Variants in WWP2 observed in about 807,000 individuals in gnomAD.
WWP2 encodes WW domain containing E3 ubiquitin protein ligase 2, also known as NEDD4-like E3 ubiquitin-protein ligase WWP2.
A neutral mutation model predicts 121.0 loss-of-function variants in WWP2; 57 were observed. That is an observed-to-expected ratio of 0.47 (90% CI 0.38 to 0.59). WWP2 has a LOEUF of 0.59. Ranked by LOEUF, WWP2 falls within the 20% of genes least tolerant of loss-of-function variation. WWP2 has a pLI of 0.00. For missense variants in WWP2, 962 were observed against 1,158.9 expected, an observed-to-expected ratio of 0.83 and a Z score of 2.47; for synonymous variants, 449 against 441.3, an observed-to-expected ratio of 1.02 and a Z score of -0.22.
At chr16:69,884,259 A>C (rs2057884262) in intron 7 of WWP2, among the ~76,000 whole-genome samples, 1 of 152,202 alleles carries the variant, frequency 6.6e-6, no homozygotes, top group Non-Finnish European at 1.5e-5. Context: ...TTTGAAGCTA[A>C]CTTGAAGAGC....
rs2058691623 is a variant in WWP2 at position 69,930,122 on chromosome 16, G to T, written c.1317-8G>T. The T allele has an allele frequency of 6.2e-7, 1 of 1,613,712 alleles. No homozygotes were observed. The highest frequency in any genetic ancestry group is 1.3e-5 in the African/African-American group (1 of 74,916). The stretch of plus-strand genomic sequence containing the variant: ...CAGCCCTTCACCCTTTTCTTCCCGT[G>T]TTTCCAGGATGATCCAGGAACCAGC... On this transcript the variant is annotated splice_polypyrimidine_tract_variant and splice_region_variant and intron_variant, in intron 12 of 23. Transcript: ENST00000359154.
At chr16:69,816,190 T>G (rs2056486434) in intron 4 of WWP2, among the ~76,000 whole-genome samples, 1 of 151,758 alleles carries the variant, frequency 6.6e-6, no homozygotes, top group Admixed American at 6.6e-5. Flanking sequence ...ATTCTGAGAG[T>G]TTTTCTCTTG....
rs746313358 is a variant in WWP2 at position 69,787,067 on chromosome 16, G to C, written c.57G>C (p.Gln19His). Reference protein sequence around the residue: ...AGVALPFEKSQLTLKVVSAKP... With the variant: ...AGVALPFEKSHLTLKVVSAKP... ...TGGCCCTGCCTTTTGAGAAGTCTCAGCTCACTTTGAAAGGTGAGTGGCACT... is the reference window on the plus strand; with the variant it reads ...TGGCCCTGCCTTTTGAGAAGTCTCACCTCACTTTGAAAGGTGAGTGGCACT... The change falls in exon 2 of 24, where the codon CAG becomes CAC. Residue 19 changes from glutamine to histidine, a missense_variant. Coordinates refer to ENST00000359154, the MANE Select transcript of WWP2 (RefSeq NM_001270454.2). The C allele has an allele frequency of 6.2e-7, 1 of 1,613,408 alleles. No homozygotes were observed. The highest frequency in any genetic ancestry group is 2.2e-5 in the East Asian group (1 of 44,876).
At chr16:69,800,370 C>T (rs2056136881) in intron 4 of WWP2, among the ~76,000 whole-genome samples, 1 of 152,154 alleles carries the variant, frequency 6.6e-6, no homozygotes, top group South Asian at 2.1e-4. Context: ...CTATTTATTG[C>T]AATATTTGGA....
intron 13 of WWP2, 146 bp from the exon 14 acceptor site, chr16:69,931,006 C>T (rs1411240465): frequency 1.4e-6 from 1 of 740,232 alleles, no homozygotes; most frequent in Non-Finnish European, 2.3e-6. Context: ...TTTTATTCTT[C>T]AAGGATCTTA....
intron 2 of WWP2, among the ~76,000 whole-genome samples, chr16:69,788,587 G>A (rs373459825): frequency 3.9e-5 from 6 of 152,116 alleles, no homozygotes; most frequent in Admixed American, 6.6e-5. Flanking sequence ...TTCCTTAGGC[G>A]TTTTCTCAAA....
At chr16:69,886,289 C>G (rs1448349237) in intron 7 of WWP2, among the ~76,000 whole-genome samples, 1 of 152,156 alleles carries the variant, frequency 6.6e-6, no homozygotes, top group Non-Finnish European at 1.5e-5. Context: ...CTAGGTTGCC[C>G]AGGTCTGGAA....
chr16:69,781,348 T>G (rs1391008465), intron 1 of WWP2, among the ~76,000 whole-genome samples: 1 of 151,958 alleles, frequency 6.6e-6, no homozygotes, highest in African/African-American at 2.4e-5. Flanking sequence ...TTTACTCTTT[T>G]TTTGTTTTTG....
intron 7 of WWP2, among the ~76,000 whole-genome samples, chr16:69,885,712 A>T (rs1440476124): frequency 6.6e-6 from 1 of 152,160 alleles, no homozygotes; most frequent in African/African-American, 2.4e-5. Flanking sequence ...GTGCTATATG[A>T]CCTTGAGAGG....
At chr16:69,849,653 G>C (rs2057163917) in intron 6 of WWP2, among the ~76,000 whole-genome samples, 1 of 152,090 alleles carries the variant, frequency 6.6e-6, no homozygotes, top group South Asian at 2.1e-4. Context: ...ACGTTGAAAA[G>C]TAATCATGGC....
At chr16:69,846,049 CAAAAAAAAAA>C (rs57201672) in intron 6 of WWP2, among the ~76,000 whole-genome samples, 1 of 45,604 alleles carries the variant, frequency 2.2e-5, no homozygotes, top group East Asian at 7.6e-4. Flanking sequence ...GACTCCATCT[CAAAAAAAAAA>C]AAAAAAAAAA....
In WWP2 at chr16:69,767,532, C is replaced by T. The variant is rs28523536; in HGVS notation, c.-16+5141C>T. Among the ~76,000 whole-genome samples the T allele has an allele frequency of 2.0e-3, 301 of 152,190 alleles. 3 individuals are homozygous for T. The highest frequency in any genetic ancestry group is 6.8e-3 in the African/African-American group (284 of 41,494). ...CCTTAGGACTATTATGTGTCACAGG[C>T]AGAAAGGGAATTTACCAGGTAAAGA... On this transcript the variant is annotated intron_variant, in intron 1 of 23. Coordinates refer to ENST00000359154, the MANE Select transcript of WWP2 (RefSeq NM_001270454.2).
chr16:69,827,700 G>T (rs1004687518), intron 4 of WWP2, among the ~76,000 whole-genome samples: 6 of 152,216 alleles, frequency 3.9e-5, no homozygotes, highest in Non-Finnish European at 1.5e-5. Flanking sequence ...TGTGGCCGCT[G>T]CGGTTCCCTG....
intron 16 of WWP2, 36 bp downstream of exon 16, chr16:69,931,926 C>T (rs776066032): frequency 1.3e-6 from 2 of 1,583,484 alleles, no homozygotes; most frequent in Admixed American, 3.4e-5. Flanking sequence ...GCCCTGTACC[C>T]CGCTTCCCCA....
chr16:69,767,040 T>TG (rs1392483775), intron 1 of WWP2, among the ~76,000 whole-genome samples: 5 of 151,748 alleles, frequency 3.3e-5, no homozygotes, highest in South Asian at 2.1e-4. Flanking sequence ...GGTTTTGTTT[T>TG]TTTTTTTTTT....
chr16:69,854,723 G>T (rs749740379), intron 6 of WWP2, among the ~76,000 whole-genome samples: 2 of 152,104 alleles, frequency 1.3e-5, no homozygotes, highest in Non-Finnish European at 2.9e-5. Flanking sequence ...GATAATTTTT[G>T]TATTTTTAGT....
intron 10 of WWP2, among the ~76,000 whole-genome samples, chr16:69,923,323 G>GGC (rs1555504310): frequency 3.5e-5 from 1 of 28,922 alleles, no homozygotes; most frequent in Admixed American, 6.5e-4. Context: ...GGGGGGGTGG[G>GGC]GGGGGTGCGT....
intron 8 of WWP2, among the ~76,000 whole-genome samples, chr16:69,891,774 A>G (rs1412144421): frequency 6.6e-6 from 1 of 152,026 alleles, no homozygotes; most frequent in African/African-American, 2.4e-5. Flanking sequence ...AGCTATCTCA[A>G]CCCAACAGAA....
intron 19 of WWP2, 119 bp from the exon 20 acceptor site, chr16:69,936,999 G>A: frequency 7.2e-7 from 1 of 1,380,162 alleles, no homozygotes; most frequent in Non-Finnish European, 9.7e-7. Context: ...GGGTCTGGGT[G>A]TGCGAAGTGG....
Sources: allele counts gnomAD v4.1 joint callset (sites outside exome capture counted in the v4.1 genomes callset), GRCh38; gene constraint gnomAD v4.1.1; transcripts MANE v1.5; gene names NCBI Gene and HGNC (gene_info 2026-07-23, HGNC 2026-07-21).